The following MARK3 variants were observed in gnomAD, a reference collection of about 807,000 sequenced individuals.
MARK3 encodes the protein MAP/microtubule affinity-regulating kinase 3.
MARK3 carries 46 observed loss-of-function variants against 90.1 expected under a neutral mutation model. The observed-to-expected ratio is 0.51, with a 90% CI of 0.40 to 0.65. The LOEUF (loss-of-function observed/expected upper bound fraction) is 0.65, where lower values mean the gene tolerates loss of function less well. Ranked by LOEUF, MARK3 falls within the 30% of genes least tolerant of loss-of-function variation. The probability of loss-of-function intolerance (pLI) is 0.00; values close to 1 mark genes in which losing one functional copy is unlikely to be tolerated. For synonymous variants in MARK3, 321 were observed against 332.6 expected, an observed-to-expected ratio of 0.97 and a Z score of 0.38; for missense variants, 818 against 947.2, an observed-to-expected ratio of 0.86 and a Z score of 1.79.
intron 15 of MARK3, among the ~76,000 whole-genome samples, chr14:103,493,852 G>A (rs933836608): frequency 6.9e-6 from 1 of 143,958 alleles, no homozygotes; most frequent in Non-Finnish European, 1.5e-5. Flanking sequence ...TCTAGTCTGG[G>A]TGACAAAGTG....
Position 103,462,566 on chromosome 14 carries a change from T to A in MARK3, c.540+105T>A, listed in dbSNP as rs2093423271. On this transcript the variant is annotated intron_variant, in intron 7 of 17. Transcript: ENST00000429436. ...ATAGATTAGCCTTATTAGCATTTTT[T>A]AAAATCCCACAATAATTGAATCCTC... The A allele has an allele frequency of 5.9e-6, 4 of 679,398 alleles. No homozygotes were observed. In the South Asian group the frequency reaches 9.0e-5, roughly 15 times the overall value. 42.1% of individuals were successfully genotyped at this position (679,398 alleles called of 1,614,324 possible).
chr14:103,472,911 C>T (rs1210657394), intron 12 of MARK3, among the ~76,000 whole-genome samples: 1 of 151,494 alleles, frequency 6.6e-6, no homozygotes, highest in South Asian at 2.1e-4. Flanking sequence ...GAGGCTGAGG[C>T]AGGAGAATCG....
At chr14:103,502,408 G>A (rs968783410) in intron 17 of MARK3, among the ~76,000 whole-genome samples, 4 of 152,194 alleles carry the variant, frequency 2.6e-5, no homozygotes, top group South Asian at 4.1e-4. Flanking sequence ...TTTAGACTGC[G>A]GATGTTGAGT....
chr14:103,448,895 T>C, intron 3 of MARK3, 24 bp from the exon 4 acceptor site: 1 of 1,542,542 alleles, frequency 6.5e-7, no homozygotes, highest in East Asian at 2.3e-5. Context: ...GGGGATTATG[T>C]GTTTTGTTTG....
chr14:103,487,653 GA>G (rs1481673615), intron 14 of MARK3, among the ~76,000 whole-genome samples: 1 of 152,180 alleles, frequency 6.6e-6, no homozygotes, highest in Non-Finnish European at 1.5e-5. Context: ...ATTTGGGCAA[GA>G]AAAAAGTCAA....
chr14:103,415,004 TA>T (rs1354139132), intron 2 of MARK3, among the ~76,000 whole-genome samples: 1 of 151,436 alleles, frequency 6.6e-6, no homozygotes, highest in African/African-American at 2.4e-5. Context: ...ATACAAAAAA[TA>T]GCCGGGGATG....
At chr14:103,464,704 A>T (rs2093470929) in intron 7 of MARK3, among the ~76,000 whole-genome samples, 1 of 151,920 alleles carries the variant, frequency 6.6e-6, no homozygotes. Flanking sequence ...AAAAAAAGTT[A>T]TTTATGTTTT....
At chr14:103,446,005 T>A (rs1028426399) in intron 3 of MARK3, among the ~76,000 whole-genome samples, 1 of 152,192 alleles carries the variant, frequency 6.6e-6, no homozygotes, top group Non-Finnish European at 1.5e-5. Flanking sequence ...TGTGCCAGCC[T>A]TGGTTTCAGG....
chr14:103,451,263 T>C (rs552099146), intron 4 of MARK3, among the ~76,000 whole-genome samples: 1 of 152,234 alleles, frequency 6.6e-6, no homozygotes, highest in South Asian at 2.1e-4. Context: ...TAAGGTTTTA[T>C]GAATTAGCAG....
chr14:103,460,088 T>TC (rs2093367218), intron 6 of MARK3, among the ~76,000 whole-genome samples: 1 of 117,926 alleles, frequency 8.5e-6, no homozygotes, highest in Non-Finnish European at 1.8e-5. Flanking sequence ...TTTTTTTTTT[T>TC]TTTTTTTTTT....
rs755949997 is a variant in MARK3, at chr14:103,502,913, A to G, written c.1948A>G (p.Asn650Asp). Residue 650 changes from asparagine (N) to aspartate (D), a missense_variant, in exon 18 of 18, where the codon AAC (asparagine) becomes GAC (aspartate). Physicochemically the swap from Asn to Asp is conservative, Grantham distance 23 (BLOSUM62 1). Transcript: ENST00000429436. ...TGTATCTGCTGAGCAAAAAGATGAA[A>G]ACAAAGAAGCAAAGCCTCGATCCCT... Reference protein sequence around the residue: ...RNVSAEQKDENKEAKPRSLRF... With the variant: ...RNVSAEQKDEDKEAKPRSLRF... 1.9e-6 allele frequency: 3 copies of G among 1,612,626 alleles called. No individual in the cohort carries two copies. In the African/African-American group the frequency reaches 4.0e-5, roughly 22 times the overall value.
chr14:103,391,801 G>T (rs1352472669), intron 1 of MARK3, among the ~76,000 whole-genome samples: 1 of 139,800 alleles, frequency 7.2e-6, no homozygotes, highest in Non-Finnish European at 1.5e-5. Flanking sequence ...CAGGTGATCC[G>T]CCCGCCTTGG....
chr14:103,470,471 T>TTTTTTTTTTTTTTTTTTTTTA (rs2093606540), intron 12 of MARK3, among the ~76,000 whole-genome samples: 1 of 135,274 alleles, frequency 7.4e-6, no homozygotes, highest in Non-Finnish European at 1.6e-5. Context: ...TTTTTTTTTT[T>TTTTTTTTTTTTTTTTTTTTTA]TGAGATGGAG....
intron 14 of MARK3, among the ~76,000 whole-genome samples, chr14:103,481,397 T>G (rs1055029725): frequency 6.6e-6 from 1 of 152,226 alleles, no homozygotes; most frequent in African/African-American, 2.4e-5. Context: ...GTTCTGTTTC[T>G]TAATCCTAAC....
chr14:103,445,934 C>A (rs1231421656), intron 3 of MARK3, among the ~76,000 whole-genome samples: 1 of 152,136 alleles, frequency 6.6e-6, no homozygotes, highest in African/African-American at 2.4e-5. Context: ...TGGCTCAGAC[C>A]GCAGTTGTTG....
intron 6 of MARK3, among the ~76,000 whole-genome samples, chr14:103,459,362 T>C (rs1027186240): frequency 2.6e-5 from 4 of 152,250 alleles, no homozygotes; most frequent in African/African-American, 9.6e-5. Context: ...TATGTGTTTT[T>C]TCAATTAGCA....
intron 6 of MARK3, among the ~76,000 whole-genome samples, 160 bp from the exon 7 acceptor site, chr14:103,462,245 G>T (rs2093416466): frequency 6.6e-6 from 1 of 152,198 alleles, no homozygotes; most frequent in African/African-American, 2.4e-5. Flanking sequence ...AATTTCTCCA[G>T]ACTGGAAAGT....
At chr14:103,412,553 C>A in intron 2 of MARK3, 1 of 617,022 alleles carries the variant, frequency 1.6e-6, no homozygotes, top group Non-Finnish European at 2.9e-6. Context: ...CGTCACAGTG[C>A]TGCTGTTCCC....
intron 1 of MARK3, among the ~76,000 whole-genome samples, chr14:103,392,008 C>T (rs1056047512): frequency 6.6e-6 from 1 of 152,230 alleles, no homozygotes; most frequent in Admixed American, 6.5e-5. Flanking sequence ...CTTCGTAAGC[C>T]TGGTAATGTT....
Sources: gnomAD v4.1 joint callset for allele counts (sites outside exome capture counted in the v4.1 genomes callset) on GRCh38, gnomAD v4.1.1 for gene constraint, MANE v1.5 for transcripts, NCBI Gene and HGNC (gene_info 2026-07-23, HGNC 2026-07-21) for gene names.